CSRNP2: variants seen among roughly 807,000 people sequenced by gnomAD.
The protein encoded by CSRNP2 is cysteine/serine-rich nuclear protein 2.
CSRNP2 carries 11 observed loss-of-function variants against 36.6 expected under a neutral mutation model. That is an observed-to-expected ratio of 0.30 (90% CI 0.19 to 0.50). The LOEUF is 0.50. Among genes scored for constraint, CSRNP2 ranks in the 20% least tolerant of loss-of-function variants. The pLI, the probability that CSRNP2 is intolerant of heterozygous loss-of-function variation, is 0.98. For synonymous variants in CSRNP2, 248 were observed against 275.3 expected, an observed-to-expected ratio of 0.90 and a Z score of 0.98; for missense variants, 483 against 691.4, an observed-to-expected ratio of 0.70 and a Z score of 3.38.
chr12:51,072,818 C>T (rs1408118857), intron 3 of CSRNP2, among the ~76,000 whole-genome samples: 2 of 152,112 alleles, frequency 1.3e-5, no homozygotes, highest in Admixed American at 6.6e-5. Context: ...TCTGTGCATC[C>T]GGCCAAGGGA....
Position 51,073,998 on chromosome 12 carries a change from C to T in CSRNP2, c.236G>A (p.Arg79His), listed in dbSNP as rs770726961. 1 of 1,614,218 alleles carries T rather than the reference C, an allele frequency of 6.2e-7. No individual in the cohort carries two copies. The highest frequency in any genetic ancestry group is 1.1e-5 in the South Asian group (1 of 91,080). ...GCTGGGCACACTGGTAAAACCTTGG[C>T]GCCGGGCAAAGTAGTATACAGTCAC... ...DQVTVYYFAR[R>H]QGFTSVPSQG... Residue 79 changes from arginine (R) to histidine (H), a missense_variant, in exon 3 of 5, where the codon CGC becomes CAC. Transcript: ENST00000228515.
At chr12:51,071,722 T>C (rs143083123) in intron 3 of CSRNP2, among the ~76,000 whole-genome samples, 4 of 152,302 alleles carry the variant, frequency 2.6e-5, no homozygotes, top group African/African-American at 9.6e-5. Context: ...TTCCTGTAAG[T>C]GGAGAACACA....
chr12:51,069,263 C>G (rs1456229393), intron 3 of CSRNP2, among the ~76,000 whole-genome samples: 4 of 151,526 alleles, frequency 2.6e-5, no homozygotes, highest in African/African-American at 4.8e-5. Flanking sequence ...GCATGAGCCA[C>G]CGTGCCCGGC....
intron 1 of CSRNP2, chr12:51,082,699 G>A (rs776022744): frequency 1.1e-4 from 16 of 151,574 alleles, no homozygotes; most frequent in Non-Finnish European, 1.8e-4. Flanking sequence ...TTGGGCCTAT[G>A]AAAAAAGATC....
intron 1 of CSRNP2, among the ~76,000 whole-genome samples, chr12:51,080,005 G>C (rs376690738): frequency 7.2e-6 from 1 of 138,754 alleles, no homozygotes; most frequent in Non-Finnish European, 1.5e-5. Context: ...CCCAGGAGGC[G>C]GAAGTTGCAG....
intron 1 of CSRNP2, chr12:51,082,765 T>C (rs1278012060): frequency 6.6e-6 from 1 of 152,190 alleles, no homozygotes; most frequent in African/African-American, 2.4e-5. Context: ...GCCAGAAATA[T>C]GGGAGACATC....
chr12:51,081,552 T>C (rs1939642384), intron 1 of CSRNP2: 1 of 152,208 alleles, frequency 6.6e-6, no homozygotes, highest in Non-Finnish European at 1.5e-5. Flanking sequence ...ACTCAACAAA[T>C]GCTTTTGGAG....
At position 51,067,252 on chromosome 12, in the gene CSRNP2, T is replaced by C. The variant is rs1938489571; in HGVS notation, c.708+421A>G. On this transcript the variant is annotated intron_variant, in intron 4 of 4. Coordinates refer to ENST00000228515, the MANE Select transcript of CSRNP2 (RefSeq NM_030809.3). The surrounding 1 kb of genome is among the most constrained non-coding windows in gnomAD (Gnocchi z 4.1). The stretch of plus-strand genomic sequence containing the variant: ...AATGTACTAACTCCTCTTCATCCCT[T>C]TCCTAACAGCTGCTTCTTATCACCT... Among the ~76,000 whole-genome samples, 1 of 152,172 alleles carries C rather than the reference T, an allele frequency of 6.6e-6. No homozygotes were observed. Among genetic ancestry groups the C allele is most frequent in the Non-Finnish European group, 1.5e-5 (1 of 68,038 alleles).
chr12:51,064,220 G>C lies in CSRNP2; in HGVS notation c.1158C>G (p.Pro386=), dbSNP rs201911770. ...TAPILIQAQL[P]PGSSVLCFTE... ...TAAAACACAGGACAGAGGAGCCTGGGGGCAGCTGAGCCTGGATGAGAATGG... is the reference window on the plus strand; with the variant it reads ...TAAAACACAGGACAGAGGAGCCTGGCGGCAGCTGAGCCTGGATGAGAATGG... Residue 386 remains proline, a synonymous_variant, in exon 5 of 5, where the codon CCC becomes CCG. Coordinates refer to ENST00000228515, the MANE Select transcript of CSRNP2 (RefSeq NM_030809.3). 3.5e-5 allele frequency: 57 copies of C among 1,613,758 alleles called. No homozygotes were observed. Among genetic ancestry groups the C allele is most frequent in the Non-Finnish European group, 4.7e-5 (56 of 1,179,932 alleles).
At chr12:51,073,289 G>C (rs1415894921) in intron 3 of CSRNP2, among the ~76,000 whole-genome samples, 1 of 151,978 alleles carries the variant, frequency 6.6e-6, no homozygotes, top group Non-Finnish European at 1.5e-5. Context: ...TTGGGAGGGG[G>C]AAATTCTAGG....
chr12:51,079,890 T>A (rs1400360093), intron 1 of CSRNP2, among the ~76,000 whole-genome samples: 1 of 147,984 alleles, frequency 6.8e-6, no homozygotes, highest in African/African-American at 2.5e-5. Flanking sequence ...CTGGCCAATA[T>A]GGTGAAACCC....
intron 1 of CSRNP2, among the ~76,000 whole-genome samples, chr12:51,081,737 T>C (rs1939649480): frequency 6.6e-6 from 1 of 152,146 alleles, no homozygotes; most frequent in Non-Finnish European, 1.5e-5. Flanking sequence ...TAGCACCTAA[T>C]AAACAGTTCC....
In CSRNP2 at chr12:51,064,177, G is replaced by A. The variant is rs774325667; in HGVS notation, c.1201C>T (p.Pro401Ser). ...GGGCTGTTCACCGTTGAGGCAGTTG[G>A]GTGGTCTGAGTTCTCGGTAAAACAC... is the stretch of plus-strand genomic sequence containing the variant. ...VLCFTENSDH[P>S]TASTVNSPSY... The change falls in exon 5 of 5, where the codon CCA becomes TCA. Residue 401 changes from proline (P) to serine (S), a missense_variant. Physicochemically the swap from Pro to Ser is moderately conservative, Grantham distance 74. Around this residue, in one of 2 missense-constraint regions of CSRNP2, gnomAD observed 277 missense variants for 323.6 expected, o/e 0.86. Transcript: ENST00000228515. 5 of 1,614,180 alleles carry A rather than the reference G, an allele frequency of 3.1e-6. No individual in the cohort carries two copies. Among genetic ancestry groups the A allele is most frequent in the Non-Finnish European group, 4.2e-6 (5 of 1,180,038 alleles).
chr12:51,073,777 A>G, intron 3 of CSRNP2, 46 bp downstream of exon 3: 1 of 1,559,874 alleles, frequency 6.4e-7, no homozygotes, highest in Non-Finnish European at 8.7e-7. Context: ...ATGAACCTAA[A>G]TGGTTTCCTA....
chr12:51,081,265 G>A (rs1402695870), intron 1 of CSRNP2, among the ~76,000 whole-genome samples: 2 of 152,128 alleles, frequency 1.3e-5, no homozygotes, highest in South Asian at 2.1e-4. Flanking sequence ...TCCAGCCTGG[G>A]TGACAGAGCC....
chr12:51,061,385 T>C lies in CSRNP2; in HGVS notation c.*2361A>G, dbSNP rs1948824929. ...AAAGGAAATTGGAAAATAATAAGGG[T>C]TGTGGTAATAAGAGTCATTTATCTA... On this transcript the variant is annotated 3_prime_UTR_variant, in exon 5 of 5. Transcript: ENST00000228515. The C allele has an allele frequency of 1.3e-5, 2 of 152,322 alleles. No homozygotes were observed. The highest frequency in any genetic ancestry group is 2.9e-5 in the Non-Finnish European group (2 of 67,962). 9.4% of individuals were successfully genotyped at this position (152,322 alleles called of 1,614,324 possible). A position where few individuals can be genotyped will look rare whatever the true frequency, so the allele number is the denominator to read the frequency against.
chr12:51,070,520 G>A (rs1335082254), intron 3 of CSRNP2, among the ~76,000 whole-genome samples: 1 of 152,116 alleles, frequency 6.6e-6, no homozygotes, highest in African/African-American at 2.4e-5. Flanking sequence ...ATATAGATGT[G>A]AGAATTTAAA....
rs770868500 is a variant in CSRNP2, at chr12:51,064,521, C to A, written c.857G>T (p.Arg286Leu). Residue 286 changes from arginine (R) to leucine (L), a missense_variant, in exon 5 of 5, where the codon CGC becomes CTC. By Grantham distance (102) the Arg-to-Leu change is moderately radical. Transcript: ENST00000228515. ...LELESKRQVS[R>L]PAAPDEEPSP... ...GGGCTCCTCATCTGGGGCTGCTGGG[C>A]GGCTCACCTGCCGCTTGCTCTCCAG... 1.3e-5 allele frequency: 21 copies of A among 1,612,876 alleles called. No homozygotes were observed. In the African/African-American group the frequency reaches 1.5e-4, roughly 11 times the overall value.
chr12:51,068,260 C>T (rs995067726), intron 3 of CSRNP2, among the ~76,000 whole-genome samples: 4 of 152,136 alleles, frequency 2.6e-5, no homozygotes, highest in Non-Finnish European at 4.4e-5. Context: ...CGGGTTCAAG[C>T]GATTCTCCTG....
Sources: allele counts gnomAD v4.1 joint callset (sites outside exome capture counted in the v4.1 genomes callset), GRCh38; gene constraint gnomAD v4.1.1; regional missense constraint gnomAD v4.1.1; non-coding constraint Gnocchi (gnomAD v3.1); transcripts MANE v1.5; gene names NCBI Gene and HGNC (gene_info 2026-07-23, HGNC 2026-07-21).